DSE: variants seen among roughly 807,000 people sequenced by gnomAD.
DSE encodes dermatan-sulfate epimerase.
Under a neutral mutation model 84.4 loss-of-function variants are expected in DSE, and 36 were observed. The observed-to-expected ratio is 0.43, with a 90% CI of 0.33 to 0.56. The LOEUF (loss-of-function observed/expected upper bound fraction) is 0.56, where lower values mean the gene tolerates loss of function less well. Ranked by LOEUF, DSE falls within the 20% of genes least tolerant of loss-of-function variation. The probability of loss-of-function intolerance (pLI) is 0.06; values close to 1 mark genes in which losing one functional copy is unlikely to be tolerated. For synonymous variants in DSE, 410 were observed against 430.1 expected, an observed-to-expected ratio of 0.95 and a Z score of 0.58; for missense variants, 862 against 1,169.6, an observed-to-expected ratio of 0.74 and a Z score of 3.84.
chr6:116,383,599 G>T (rs1286559121), intron 1 of DSE, among the ~76,000 whole-genome samples: 1 of 152,162 alleles, frequency 6.6e-6, no homozygotes, highest in Admixed American at 6.5e-5. Flanking sequence ...CAGGCCCTCG[G>T]AGTTTTTAAT....
rs1049757409 is a variant in DSE, at chr6:116,440,421, C to T, written c.*3076C>T. On this transcript the variant is annotated 3_prime_UTR_variant, in exon 6 of 6. Transcript: ENST00000644252. ...TAAGCGATTCTTCTGCCTCAGCCTT[C>T]CAAAGTACTGGGATTAGAGGCATAG... 6.6e-6 allele frequency: 1 copy of T among 152,150 alleles called. No homozygotes were observed. The highest frequency in any genetic ancestry group is 2.4e-5 in the African/African-American group (1 of 41,424). 9.4% of individuals were successfully genotyped at this position (152,150 alleles called of 1,614,324 possible).
In DSE at chr6:116,305,381, T is replaced by C. The variant is rs770229077; in HGVS notation, c.-54+46414T>C. ...ATTGTTGCTTTAAAAGTTCTCACTA[T>C]TAAAGAAAAGGTTAGTTTCCTGAAA... is the stretch of plus-strand genomic sequence containing the variant. On this transcript the variant is annotated intron_variant, in intron 2 of 3. Coordinates refer to the DSE transcript ENST00000430252. Among the ~76,000 whole-genome samples, 79 of 152,146 alleles carry C rather than the reference T, an allele frequency of 5.2e-4. 2 individuals carry two copies. Among genetic ancestry groups the C allele is most frequent in the Non-Finnish European group, 8.8e-4 (60 of 68,026 alleles).
intron 1 of DSE, among the ~76,000 whole-genome samples, chr6:116,258,279 G>A (rs947935827): frequency 2.0e-5 from 3 of 152,016 alleles, no homozygotes; most frequent in Admixed American, 2.0e-4. Context: ...GCCTCTCAAA[G>A]AGCTGGGATT....
chr6:116,279,485 C>T (rs1246270866), intron 2 of DSE: 1 of 1,611,930 alleles, frequency 6.2e-7, no homozygotes, highest in South Asian at 1.1e-5. Context: ...CGGTCGGCTG[C>T]CATCACCACA....
In DSE at chr6:116,436,204, C is replaced by G; in HGVS notation, c.1736C>G (p.Pro579Arg). The G allele has an allele frequency of 6.2e-7, 1 of 1,613,878 alleles. No homozygotes were observed. The highest frequency in any genetic ancestry group is 8.5e-7 in the Non-Finnish European group (1 of 1,180,002). The change falls in exon 6 of 6, where the codon CCC becomes CGC. Residue 579 changes from proline to arginine, a missense_variant. By Grantham distance (103) the Pro-to-Arg change is moderately radical. Transcript: ENST00000644252. ...VDQIHLGEES[P>R]LETAASFFHN... ...CAAATACACCTGGGAGAGGAGAGTC[C>G]CTTGGAGACAGCAGCGAGCTTCTTC...
intron 2 of DSE, among the ~76,000 whole-genome samples, chr6:116,350,823 A>G (rs1309566984): frequency 6.6e-6 from 1 of 152,134 alleles, no homozygotes; most frequent in Non-Finnish European, 1.5e-5. Context: ...ATAAAAAAAA[A>G]TAGCTTTTGG....
At position 116,348,319 on chromosome 6, in the gene DSE, C is replaced by T. The variant is rs148889936; in HGVS notation, c.-53-50879C>T. Among the ~76,000 whole-genome samples the T allele has an allele frequency of 6.8e-3, 1,029 of 151,624 alleles. 20 individuals carry two copies. Among genetic ancestry groups the T allele is most frequent in the South Asian group, 0.053 (254 of 4,774 alleles). ...GCTGGCGCCTGTAGTCCCAGCTACT[C>T]GGGAGGCTGAGGAAAGAGAATGGCG... On this transcript the variant is annotated intron_variant, in intron 2 of 3. Coordinates refer to the DSE transcript ENST00000430252.
intron 2 of DSE, chr6:116,278,433 G>A (rs1358077900): frequency 6.4e-7 from 1 of 1,572,278 alleles, no homozygotes; most frequent in African/African-American, 1.3e-5. Flanking sequence ...CACAATAGAA[G>A]GCATACTCAT....
At chr6:116,371,868 T>C (rs1388571285) in intron 1 of DSE, among the ~76,000 whole-genome samples, 1 of 152,196 alleles carries the variant, frequency 6.6e-6, no homozygotes, top group Non-Finnish European at 1.5e-5. Flanking sequence ...CTTTTTCGTT[T>C]ATATCGCTCC....
At chr6:116,351,471 A>G (rs1021804915) in intron 2 of DSE, among the ~76,000 whole-genome samples, 2 of 152,304 alleles carry the variant, frequency 1.3e-5, no homozygotes, top group South Asian at 2.1e-4. Flanking sequence ...ATCCCTAGGA[A>G]CCATCTTTAT....
intron 2 of DSE, among the ~76,000 whole-genome samples, chr6:116,317,269 G>A (rs150997472): frequency 2.0e-5 from 3 of 152,318 alleles, no homozygotes; most frequent in African/African-American, 7.2e-5. Flanking sequence ...GGGAGAATGT[G>A]GACCTCAGTG....
intron 2 of DSE, among the ~76,000 whole-genome samples, chr6:116,422,368 C>T (rs556602788): frequency 8.3e-4 from 126 of 152,320 alleles, no homozygotes; most frequent in South Asian, 2.1e-4. Flanking sequence ...TTTCAGCTTT[C>T]CTTGAACTGG....
upstream of DSE, chr6:116,369,824 G>A (rs80203839): frequency 9.4e-7 from 1 of 1,062,464 alleles, no homozygotes; most frequent in South Asian, 1.3e-5. Flanking sequence ...TGGCCAAATA[G>A]AAGTGAGAAC....
At position 116,437,240 on chromosome 6, in the gene DSE, G is replaced by A. The variant is rs1349967003; in HGVS notation, c.2772G>A (p.Gln924=). ...VMLAMQLTYF[Q]RAQSLHGQRC... ...TGGCAATGCAACTGACTTATTTCCA[G>A]AGGGCCCAGAGCCTACATGGCCAAA... is the stretch of plus-strand genomic sequence containing the variant. Residue 924 remains glutamine (Q), a synonymous_variant, in exon 6 of 6, where the codon CAG becomes CAA. Transcript: ENST00000644252. 3 of 1,614,058 alleles carry A rather than the reference G, an allele frequency of 1.9e-6. No individual in the cohort carries two copies. Among genetic ancestry groups the A allele is most frequent in the African/African-American group, 1.3e-5 (1 of 74,992 alleles).
chr6:116,433,121 C>T, intron 4 of DSE: 1 of 551,884 alleles, frequency 1.8e-6, no homozygotes, highest in Non-Finnish European at 3.2e-6. Context: ...CAGGTTACCA[C>T]ATAATAAATA....
At chr6:116,352,589 A>G (rs1329768192) in intron 2 of DSE, among the ~76,000 whole-genome samples, 1 of 152,156 alleles carries the variant, frequency 6.6e-6, no homozygotes. Context: ...CTTGAACTGG[A>G]TAGTAAACAT....
intron 2 of DSE, among the ~76,000 whole-genome samples, chr6:116,418,568 T>C (rs181691302): frequency 5.9e-5 from 9 of 152,284 alleles, no homozygotes; most frequent in African/African-American, 1.7e-4. Flanking sequence ...CAGTATCTCT[T>C]CTTCTAATGT....
chr6:116,367,418 A>G (rs1779227459), upstream of DSE, among the ~76,000 whole-genome samples: 1 of 152,244 alleles, frequency 6.6e-6, no homozygotes, highest in Admixed American at 6.5e-5. Context: ...TTAGTAAAAC[A>G]TAAAAGGCAG....
At chr6:116,266,791 C>T (rs548544966) in intron 2 of DSE, among the ~76,000 whole-genome samples, 2 of 152,216 alleles carry the variant, frequency 1.3e-5, no homozygotes, top group Non-Finnish European at 2.9e-5. Flanking sequence ...ATTTTACAAT[C>T]AATACTTTTA....
Sources: gnomAD v4.1 joint callset for allele counts (sites outside exome capture counted in the v4.1 genomes callset) on GRCh38, gnomAD v4.1.1 for gene constraint, MANE v1.5 for transcripts, NCBI Gene and HGNC (gene_info 2026-07-23, HGNC 2026-07-21) for gene names.